Variants in IFNE observed in about 807,000 individuals in gnomAD.
The protein encoded by IFNE is IFN-epsilon.
For synonymous variants in IFNE, 94 were observed against 87.4 expected, an observed-to-expected ratio of 1.08 and a Z score of -0.42; for missense variants, 276 against 232.4, an observed-to-expected ratio of 1.19 and a Z score of -1.22.
At position 21,481,928 on chromosome 9, in the gene IFNE, C is replaced by A. The variant is rs905808918; in HGVS notation, c.-234G>T. On this transcript the variant is annotated 5_prime_UTR_variant, in exon 1 of 1. Coordinates refer to ENST00000448696, the MANE Select transcript of IFNE (RefSeq NM_176891.5). ...TTGTGTTGGCTATTTTGAGGAAGTA[C>A]CAAAATAACTTATTCATTGTATGCT... is the stretch of plus-strand genomic sequence containing the variant. 5 of 485,510 alleles carry A rather than the reference C, an allele frequency of 1.0e-5. No individual in the cohort carries two copies. Among genetic ancestry groups the A allele is most frequent in the African/African-American group, 8.0e-5 (4 of 50,172 alleles). The allele number at this position is 485,510 out of a possible 1,614,324, so 30.1% of individuals were successfully genotyped here.
rs1039200264 is a variant in IFNE at position 21,481,809 on chromosome 9, C to T, written c.-115G>A. ...TTTTGGAGAGTGTTCTCTTTTGTTG[C>T]TTTCGTTTTCTAATGTCATTTCTCC... On this transcript the variant is annotated 5_prime_UTR_variant, in exon 1 of 1. Transcript: ENST00000448696. 51 of 937,260 alleles carry T rather than the reference C, an allele frequency of 5.4e-5. No homozygotes were observed. The African/African-American group carries it at 6.5e-4, about 12-fold the overall frequency. 58.1% of individuals were successfully genotyped at this position (937,260 alleles called of 1,614,324 possible).
At chr9:21,481,097 GC>G in the IFNE span, 5 of 1,612,960 alleles carry the variant, frequency 3.1e-6, no homozygotes, top group Non-Finnish European at 4.2e-6. Flanking sequence ...TCTGTAGTAA[GC>G]TCTTGCTTCA....
chr9:21,481,208 A>G lies in IFNE; in HGVS notation c.487T>C (p.Cys163Arg), dbSNP rs1165480741. ...DYLENQDYST[C>R]AWAIVQVEIS... is the part of the protein sequence containing the mutation. ...TCTACTTGGACAATGGCCCAGGCAC[A>G]GGTGCTGTAGTCCTGGTTTTCCAGG... Residue 163 changes from cysteine to arginine, a missense_variant, in exon 1 of 1, where the codon TGT becomes CGT. Transcript: ENST00000448696. 2.5e-6 allele frequency: 4 copies of G among 1,614,056 alleles called. No individual in the cohort carries two copies. Among genetic ancestry groups the G allele is most frequent in the Non-Finnish European group, 3.4e-6 (4 of 1,180,012 alleles).
chr9:21,481,124 T>A, the IFNE span: 1 of 1,614,050 alleles, frequency 6.2e-7, no homozygotes, highest in South Asian at 1.1e-5. Flanking sequence ...TTCAAGGGTC[T>A]TCCTTGTTTG....
At position 21,481,141 on chromosome 9, in the gene IFNE, T is replaced by C. The variant is rs374973104; in HGVS notation, c.554A>G (p.Lys185Arg). The C allele has an allele frequency of 1.9e-6, 3 of 1,613,970 alleles. No individual in the cohort carries two copies. Among genetic ancestry groups the C allele is most frequent in the East Asian group, 4.5e-5 (2 of 44,894 alleles). The change falls in exon 1 of 1, where the codon AAA becomes AGA. Residue 185 changes from lysine to arginine, a missense_variant. Coordinates refer to ENST00000448696, the MANE Select transcript of IFNE (RefSeq NM_176891.5). ...CLFFVFSLTE[K>R]LSKQGRPLND... ...CAAGGGTCTTCCTTGTTTGCTCAGT[T>C]TTTCTGTGAGACTGAACACAAAGAA...
At position 21,481,519 on chromosome 9, in the gene IFNE, T is replaced by C; in HGVS notation, c.176A>G (p.Asn59Ser). The C allele has an allele frequency of 1.9e-6, 3 of 1,614,054 alleles. No individual in the cohort carries two copies. Among genetic ancestry groups the C allele is most frequent in the Non-Finnish European group, 2.5e-6 (3 of 1,180,000 alleles). ...CAAAGACTTCTGAGGAAGCAGAAAG[T>C]TTTTCCTGTGTGGTAGACACTGCTG... ...SIQQCLPHRK[N>S]FLLPQKSLSP... is the part of the protein sequence containing the mutation. The change falls in exon 1 of 1, where the codon AAC (asparagine) becomes AGC (serine). Residue 59 changes from asparagine to serine, a missense_variant. Coordinates refer to ENST00000448696, the MANE Select transcript of IFNE (RefSeq NM_176891.5).
the IFNE span, chr9:21,481,137 CA>C: frequency 6.2e-7 from 1 of 1,614,080 alleles, no homozygotes; most frequent in East Asian, 2.2e-5. Flanking sequence ...CTTGTTTGCT[CA>C]GTTTTTCTGT....
At chr9:21,481,352 G>A in the IFNE span, 1 of 1,614,152 alleles carries the variant, frequency 6.2e-7, no homozygotes, top group Non-Finnish European at 8.5e-7. Context: ...TCTAGCTGTT[G>A]ATGAAGTTGA....
chr9:21,481,786 T>G lies in IFNE; in HGVS notation c.-92A>C, dbSNP rs1819056325. On this transcript the variant is annotated 5_prime_UTR_variant, in exon 1 of 1. Transcript: ENST00000448696. ...TGCCTTTCATGCATCTCAGATTATT[T>G]TGGAGAGTGTTCTCTTTTGTTGCTT... 1 of 1,154,148 alleles carries G rather than the reference T, an allele frequency of 8.7e-7. No individual in the cohort carries two copies. Among genetic ancestry groups the G allele is most frequent in the Non-Finnish European group, 1.2e-6 (1 of 808,672 alleles). The allele number at this position is 1,154,148 out of a possible 1,614,324, so 71.5% of individuals were successfully genotyped here.
the IFNE span, chr9:21,481,527 GT>G: frequency 6.2e-7 from 1 of 1,614,048 alleles, no homozygotes. Flanking sequence ...AGTTTTTCCT[GT>G]GTGGTAGACA....
Position 21,482,245 on chromosome 9 carries a change from T to C in IFNE, c.-551A>G, listed in dbSNP as rs373745100. On this transcript the variant is annotated 5_prime_UTR_variant, in exon 1 of 1. Transcript: ENST00000448696. ...TTGTCACAAATGCTTGAGCAAATAA[T>C]TAATTTTAAAACATATATCAGCAAT... The C allele has an allele frequency of 6.0e-6, 1 of 166,628 alleles. No individual in the cohort carries two copies. The highest frequency in any genetic ancestry group is 1.5e-5 in the Non-Finnish European group (1 of 68,126). The allele number at this position is 166,628 out of a possible 1,614,324, so 10.3% of individuals were successfully genotyped here.
chr9:21,481,872 G>C lies in IFNE; in HGVS notation c.-178C>G. 1.6e-6 allele frequency: 1 copy of C among 611,340 alleles called. No individual in the cohort carries two copies. The highest frequency in any genetic ancestry group is 2.2e-5 in the South Asian group (1 of 45,504). The allele number at this position is 611,340 out of a possible 1,614,324, so 37.9% of individuals were successfully genotyped here. A position where few individuals can be genotyped will look rare whatever the true frequency, so the allele number is the denominator to read the frequency against. ...TAGATTTTCAGGTTCCCTTTTCATG[G>C]TGTTCAGAGTACATTTTCTCCATTT... is the stretch of plus-strand genomic sequence containing the variant. On this transcript the variant is annotated 5_prime_UTR_variant, in exon 1 of 1. Transcript: ENST00000448696.
In IFNE at chr9:21,481,402, A is replaced by T; in HGVS notation, c.293T>A (p.Leu98Gln). 6.2e-7 allele frequency: 1 copy of T among 1,614,152 alleles called. No individual in the cohort carries two copies. ...IFSLFRANIS[L>Q]DGWEENHTEK... Reference sequence around the variant, plus strand: ...CGTGTGGTTTTCCTCCCAACCATCCAGAGAAATATTTGCCCTGAAGAGGCT... The same window carrying T: ...CGTGTGGTTTTCCTCCCAACCATCCTGAGAAATATTTGCCCTGAAGAGGCT... Residue 98 changes from leucine to glutamine, a missense_variant, in exon 1 of 1, where the codon CTG becomes CAG. Transcript: ENST00000448696.
In IFNE at chr9:21,480,877, TACAA is replaced by T; in HGVS notation, c.*187_*190del. ...CCATATTAATGAATTTATTTTGACA[TACAA>T]ACAATTTAAAATGGATAGAATATAT... On this transcript the variant is annotated 3_prime_UTR_variant, in exon 1 of 1. Transcript: ENST00000448696. 2.1e-6 allele frequency: 1 copy of T among 475,598 alleles called. No homozygotes were observed. Among genetic ancestry groups the T allele is most frequent in the Admixed American group, 3.8e-5 (1 of 26,000 alleles). The allele number at this position is 475,598 out of a possible 1,614,324, so 29.5% of individuals were successfully genotyped here. A position where few individuals can be genotyped will look rare whatever the true frequency, so the allele number is the denominator to read the frequency against.
At position 21,481,507 on chromosome 9, in the gene IFNE, G is replaced by A. The variant is rs1250753325; in HGVS notation, c.188C>T (p.Pro63Leu). 6.2e-7 allele frequency: 1 copy of A among 1,614,072 alleles called. No homozygotes were observed. The highest frequency in any genetic ancestry group is 8.5e-7 in the Non-Finnish European group (1 of 1,179,976). The change falls in exon 1 of 1, where the codon CCT becomes CTT. Residue 63 changes from proline (P) to leucine (L), a missense_variant. Physicochemically the swap from Pro to Leu is moderately conservative, Grantham distance 98. Transcript: ENST00000448696. ...CTGCTGAGGACTCAAAGACTTCTGAGGAAGCAGAAAGTTTTTCCTGTGTGG... is the reference window on the plus strand; with the variant it reads ...CTGCTGAGGACTCAAAGACTTCTGAAGAAGCAGAAAGTTTTTCCTGTGTGG... ...CLPHRKNFLL[P>L]QKSLSPQQYQ...
Position 21,481,628 on chromosome 9 carries a change from C to G in IFNE, c.67G>C (p.Asp23His), listed in dbSNP as rs1344890191. The change falls in exon 1 of 1, where the codon GAT (aspartate) becomes CAT (histidine). Residue 23 changes from aspartate to histidine, a missense_variant. By Grantham distance (81) the Asp-to-His change is moderately conservative. Transcript: ENST00000448696. ...TGCTGGAAGATAATCAGTTTCAAAT[C>G]TAGAGAGAAGATAGTGGTAGAGGCC... is the stretch of plus-strand genomic sequence containing the variant. ...LLASTTIFSL[D>H]LKLIIFQQRQ... is the part of the protein sequence containing the mutation. 10 of 1,614,036 alleles carry G rather than the reference C, an allele frequency of 6.2e-6. No individual in the cohort carries two copies. Among genetic ancestry groups the G allele is most frequent in the Non-Finnish European group, 8.5e-6 (10 of 1,179,936 alleles).
rs2118076430 is a variant in IFNE at position 21,480,992 on chromosome 9, G to A, written c.*76C>T. On this transcript the variant is annotated 3_prime_UTR_variant, in exon 1 of 1. Coordinates refer to ENST00000448696, the MANE Select transcript of IFNE (RefSeq NM_176891.5). ...AAATATATATATACACAAAATCAAA[G>A]CAATGTGATTGTACTATAAATTGTA... 8.8e-7 allele frequency: 1 copy of A among 1,138,442 alleles called. No individual in the cohort carries two copies. Among genetic ancestry groups the A allele is most frequent in the Admixed American group, 2.4e-5 (1 of 41,368 alleles). The allele number at this position is 1,138,442 out of a possible 1,614,324, so 70.5% of individuals were successfully genotyped here.
In IFNE at chr9:21,480,920, A is replaced by G; in HGVS notation, c.*148T>C. Reference sequence around the variant, plus strand: ...GATAGAATATATAAAGCCACATTACAAAATAAAAACAATTGTGGTCAATAT... The same window carrying G: ...GATAGAATATATAAAGCCACATTACGAAATAAAAACAATTGTGGTCAATAT... On this transcript the variant is annotated 3_prime_UTR_variant, in exon 1 of 1. Transcript: ENST00000448696. 1.6e-6 allele frequency: 1 copy of G among 611,932 alleles called. No individual in the cohort carries two copies. Among genetic ancestry groups the G allele is most frequent in the Non-Finnish European group, 2.7e-6 (1 of 367,306 alleles). 37.9% of individuals were successfully genotyped at this position (611,932 alleles called of 1,614,324 possible).
rs148238939 is a variant in IFNE at position 21,481,149 on chromosome 9, G to A, written c.546C>T (p.Leu182=). The A allele has an allele frequency of 3.7e-6, 6 of 1,613,990 alleles. No individual in the cohort carries two copies. The highest frequency in any genetic ancestry group is 5.1e-6 in the Non-Finnish European group (6 of 1,179,912). The part of the protein sequence containing the change: ...ISRCLFFVFS[L]TEKLSKQGRP... ...TTCCTTGTTTGCTCAGTTTTTCTGTGAGACTGAACACAAAGAACAGACATC... is the reference window on the plus strand; with the variant it reads ...TTCCTTGTTTGCTCAGTTTTTCTGTAAGACTGAACACAAAGAACAGACATC... The change falls in exon 1 of 1, where the codon CTC becomes CTT. Residue 182 remains leucine (L), a synonymous_variant. Transcript: ENST00000448696.
Sources: allele counts gnomAD v4.1 joint callset, GRCh38; gene constraint gnomAD v4.1.1; transcripts MANE v1.5; gene names NCBI Gene and HGNC (gene_info 2026-07-23, HGNC 2026-07-21).